GRM8: variants seen among roughly 807,000 people sequenced by gnomAD.
The protein encoded by GRM8 is glutamate metabotropic receptor 8.
In GRM8, 47 loss-of-function variants were observed where a neutral mutation model predicts 87.2. That is an observed-to-expected ratio of 0.54 (90% CI 0.43 to 0.69). GRM8 has a LOEUF of 0.69. Ranked by LOEUF, GRM8 falls within the 30% of genes least tolerant of loss-of-function variation. GRM8 has a pLI of 0.00. For missense variants in GRM8, 1,019 were observed against 1,139.2 expected (o/e 0.89, Z 1.52); for synonymous variants, 396 against 404.5 (o/e 0.98, Z 0.25).
chr7:126,928,348 C>T (rs574227833), intron 3 of GRM8, among the ~76,000 whole-genome samples: 142 of 152,276 alleles, frequency 9.3e-4, no homozygotes, highest in African/African-American at 3.2e-3. Context: ...ACATCCTGCA[C>T]ATGTGCCTGA....
At chr7:127,226,248 C>T (rs1278807902) in intron 2 of GRM8, among the ~76,000 whole-genome samples, 1 of 152,168 alleles carries the variant, frequency 6.6e-6, no homozygotes, top group East Asian at 1.9e-4. Context: ...CTTCTCACTC[C>T]CCCAGCCCAT....
At chr7:126,681,625 G>A (rs1807596541) in intron 7 of GRM8, among the ~76,000 whole-genome samples, 1 of 152,222 alleles carries the variant, frequency 6.6e-6, no homozygotes, top group African/African-American at 2.4e-5. Flanking sequence ...AATCACCAGT[G>A]ACAGAGCAGG....
At chr7:126,946,033 C>G (rs531185450) in intron 3 of GRM8, among the ~76,000 whole-genome samples, 4 of 152,280 alleles carry the variant, frequency 2.6e-5, no homozygotes, top group South Asian at 2.1e-4. Flanking sequence ...ACATCCACAC[C>G]CTTTGCCCTG....
Position 126,535,157 on chromosome 7 carries a change from C to G in GRM8, c.1495-1270G>C, listed in dbSNP as rs557739042. Among the ~76,000 whole-genome samples the G allele has an allele frequency of 3.3e-5, 5 of 152,302 alleles. No homozygotes were observed. The South Asian group carries it at 1.0e-3, about 32-fold the overall frequency. ...TGGTAGTCAGTCTCCACCGTGGCCCCCAATAACCTCACTTCTGAAAATTGA... is the reference window on the plus strand; with the variant it reads ...TGGTAGTCAGTCTCCACCGTGGCCCGCAATAACCTCACTTCTGAAAATTGA... On this transcript the variant is annotated intron_variant, in intron 8 of 10. Coordinates refer to ENST00000339582, the MANE Select transcript of GRM8 (RefSeq NM_000845.3).
At chr7:127,037,719 A>G (rs1338717501) in intron 3 of GRM8, among the ~76,000 whole-genome samples, 2 of 152,200 alleles carry the variant, frequency 1.3e-5, no homozygotes, top group Non-Finnish European at 2.9e-5. Flanking sequence ...AGAAGCCTGC[A>G]GAACCACAAA....
chr7:127,019,919 A>T (rs893117259), intron 3 of GRM8, among the ~76,000 whole-genome samples: 3 of 151,962 alleles, frequency 2.0e-5, no homozygotes, highest in Non-Finnish European at 2.9e-5. Flanking sequence ...CTCTGCAAAC[A>T]TTATCTCCTT....
At chr7:126,608,377 G>A (rs915575451) in intron 8 of GRM8, among the ~76,000 whole-genome samples, 2 of 152,100 alleles carry the variant, frequency 1.3e-5, no homozygotes, top group Non-Finnish European at 2.9e-5. Flanking sequence ...TAACCCCACT[G>A]GGTACCCATC....
chr7:127,206,826 AC>A (rs1210560606), intron 2 of GRM8, among the ~76,000 whole-genome samples: 2 of 152,234 alleles, frequency 1.3e-5, no homozygotes, highest in African/African-American at 4.8e-5. Flanking sequence ...ACCACTGGTT[AC>A]CTCGGACATT....
At chr7:126,817,803 G>C (rs1231645405) in intron 6 of GRM8, among the ~76,000 whole-genome samples, 2 of 151,974 alleles carry the variant, frequency 1.3e-5, no homozygotes, top group African/African-American at 4.8e-5. Context: ...ATTTCACTGA[G>C]GTAAGTAAAA....
chr7:127,015,050 A>G (rs1815346436), intron 3 of GRM8, among the ~76,000 whole-genome samples: 3 of 127,460 alleles, frequency 2.4e-5, no homozygotes, highest in South Asian at 2.7e-4. Flanking sequence ...GAAGAAGAAG[A>G]AGAAGAAGAA....
intron 1 of GRM8, among the ~76,000 whole-genome samples, chr7:127,249,800 C>A (rs1260144788): frequency 1.3e-5 from 2 of 152,204 alleles, no homozygotes; most frequent in Admixed American, 6.5e-5. Flanking sequence ...ATTGAATGAA[C>A]CACATTTGTG....
chr7:126,866,227 T>C (rs1798576342), intron 6 of GRM8, among the ~76,000 whole-genome samples: 1 of 152,206 alleles, frequency 6.6e-6, no homozygotes, highest in Admixed American at 6.5e-5. Context: ...ATACTTTTCT[T>C]TGGAGAAATG....
chr7:127,112,041 A>G (rs1467035994), intron 2 of GRM8: 1 of 152,010 alleles, frequency 6.6e-6, no homozygotes, highest in Non-Finnish European at 1.5e-5. Flanking sequence ...AAAAAACACA[A>G]AATAGATCTT....
intron 2 of GRM8, among the ~76,000 whole-genome samples, chr7:127,143,751 T>C (rs1828403175): frequency 1.3e-5 from 2 of 152,146 alleles, no homozygotes; most frequent in Admixed American, 1.3e-4. Flanking sequence ...TAAAAATTAT[T>C]CTCAGAAAAC....
intron 9 of GRM8, among the ~76,000 whole-genome samples, chr7:126,496,795 T>C (rs938261828): frequency 3.3e-5 from 5 of 151,942 alleles, no homozygotes; most frequent in Admixed American, 1.3e-4. Context: ...GTTAAATCAC[T>C]TGAGTGTTTC....
At chr7:126,898,284 T>G (rs1374707654) in intron 6 of GRM8, among the ~76,000 whole-genome samples, 1 of 152,204 alleles carries the variant, frequency 6.6e-6, no homozygotes, top group Non-Finnish European at 1.5e-5. Context: ...TTCAAGTACA[T>G]TTGACCACTA....
chr7:126,898,451 C>A (rs1334738701), intron 6 of GRM8, among the ~76,000 whole-genome samples: 2 of 152,144 alleles, frequency 1.3e-5, no homozygotes, highest in Non-Finnish European at 2.9e-5. Flanking sequence ...CACCCAGAGA[C>A]AAGTTATTTT....
chr7:126,496,223 A>G (rs1476731428), intron 9 of GRM8, among the ~76,000 whole-genome samples: 1 of 152,008 alleles, frequency 6.6e-6, no homozygotes, highest in Non-Finnish European at 1.5e-5. Flanking sequence ...GAAGGAAGGA[A>G]GAAAGGGAGA....
chr7:127,137,547 G>C (rs528835181), intron 2 of GRM8, among the ~76,000 whole-genome samples: 15 of 152,226 alleles, frequency 9.9e-5, no homozygotes, highest in African/African-American at 3.6e-4. Flanking sequence ...ATAAAATGAA[G>C]AGTGTTCATT....
Sources: allele counts gnomAD v4.1 joint callset (sites outside exome capture counted in the v4.1 genomes callset), GRCh38; gene constraint gnomAD v4.1.1; transcripts MANE v1.5; gene names NCBI Gene and HGNC (gene_info 2026-07-23, HGNC 2026-07-21).